The following GALNT17 variants were observed in gnomAD, a reference collection of about 807,000 sequenced individuals.
GALNT17 encodes polypeptide N-acetylgalactosaminyltransferase 17.
A neutral mutation model predicts 63.7 loss-of-function variants in GALNT17; 29 were observed. The observed-to-expected ratio is 0.46, with a 90% CI of 0.34 to 0.62. The LOEUF (loss-of-function observed/expected upper bound fraction) is 0.62. GALNT17 is among the 20% of genes least tolerant of loss of function. The pLI is 0.01. For synonymous variants in GALNT17, 305 were observed against 318.3 expected (o/e 0.96, Z 0.45); for missense variants, 603 against 799.6 (o/e 0.75, Z 2.97).
At chr7:71,193,631 A>T (rs1164723815) in intron 1 of GALNT17, among the ~76,000 whole-genome samples, 9 of 149,692 alleles carry the variant, frequency 6.0e-5, no homozygotes, top group Admixed American at 6.0e-4. Context: ...CACCCGGCCA[A>T]CTCCTTCCTG....
chr7:71,161,356 T>G (rs1788338398), intron 1 of GALNT17, among the ~76,000 whole-genome samples: 1 of 152,258 alleles, frequency 6.6e-6, no homozygotes, highest in African/African-American at 2.4e-5. Flanking sequence ...GCATTTGCAT[T>G]TTTGTAAAAT....
chr7:71,601,366 C>A (rs921467468), intron 6 of GALNT17, among the ~76,000 whole-genome samples: 3 of 152,192 alleles, frequency 2.0e-5, no homozygotes, highest in Admixed American at 2.0e-4. Flanking sequence ...ACACTGTATT[C>A]CACAGTGGCT....
chr7:71,345,922 C>T (rs1792083204), intron 2 of GALNT17, among the ~76,000 whole-genome samples: 1 of 151,514 alleles, frequency 6.6e-6, no homozygotes, highest in African/African-American at 2.4e-5. Flanking sequence ...GGGGCTCATG[C>T]CTGTAATCCC....
chr7:71,505,952 G>A (rs977727183), intron 5 of GALNT17, among the ~76,000 whole-genome samples: 6 of 152,124 alleles, frequency 3.9e-5, no homozygotes, highest in Non-Finnish European at 8.8e-5. Flanking sequence ...GAAGCCACAG[G>A]CCCCATTGTG....
At chr7:71,319,561 C>T (rs1423018054) in intron 1 of GALNT17, among the ~76,000 whole-genome samples, 1 of 152,072 alleles carries the variant, frequency 6.6e-6, no homozygotes, top group Non-Finnish European at 1.5e-5. Flanking sequence ...TTTCTATCTC[C>T]AATTCTGACT....
At chr7:71,639,593 T>C (rs550884568) in intron 6 of GALNT17, among the ~76,000 whole-genome samples, 4 of 152,226 alleles carry the variant, frequency 2.6e-5, no homozygotes, top group East Asian at 1.9e-4. Flanking sequence ...GCCATGGAGA[T>C]GAATAATTGT....
chr7:71,167,765 C>T (rs957308397), intron 1 of GALNT17, among the ~76,000 whole-genome samples: 21 of 152,312 alleles, frequency 1.4e-4, no homozygotes, highest in African/African-American at 4.8e-4. Context: ...TCTTGGCTCA[C>T]TGCAACCTCC....
intron 2 of GALNT17, among the ~76,000 whole-genome samples, chr7:71,344,044 A>G (rs1269693765): frequency 1.3e-5 from 2 of 152,114 alleles, no homozygotes; most frequent in African/African-American, 4.8e-5. Flanking sequence ...TCTTGGCCCC[A>G]GAGGACTTCA....
chr7:71,347,378 T>C (rs1249466013), intron 2 of GALNT17, among the ~76,000 whole-genome samples: 1 of 152,198 alleles, frequency 6.6e-6, no homozygotes, highest in Non-Finnish European at 1.5e-5. Context: ...ATCTACTTTA[T>C]AGAATTGCTG....
chr7:71,476,069 T>C (rs1430995476), intron 5 of GALNT17, among the ~76,000 whole-genome samples: 2 of 152,316 alleles, frequency 1.3e-5, no homozygotes, highest in African/African-American at 2.4e-5. Flanking sequence ...TTCTTTTCAC[T>C]TGATGGGTTG....
At chr7:71,160,424 G>C (rs908900594) in intron 1 of GALNT17, among the ~76,000 whole-genome samples, 1 of 152,078 alleles carries the variant, frequency 6.6e-6, no homozygotes, top group African/African-American at 2.4e-5. Context: ...TACATAGTAG[G>C]CTGCTTTCAA....
At chr7:71,388,140 T>G in intron 2 of GALNT17, 95 bp from the exon 3 acceptor site, 25 of 1,363,838 alleles carry the variant, frequency 1.8e-5, no homozygotes, top group African/African-American at 2.9e-5. Flanking sequence ...GACGACTGGA[T>G]GAGGATTCGG....
chr7:71,544,051 C>T (rs7793591), intron 5 of GALNT17, among the ~76,000 whole-genome samples: 5,195 of 152,014 alleles, frequency 0.034, 91 homozygotes, highest in Middle Eastern at 0.082. Context: ...CCTCAGCCCC[C>T]CAAAGGGCCA....
chr7:71,583,390 G>C (rs752359036), intron 6 of GALNT17, among the ~76,000 whole-genome samples: 7 of 152,128 alleles, frequency 4.6e-5, no homozygotes, highest in Admixed American at 1.3e-4. Flanking sequence ...CACCACATCT[G>C]GCCACCTGTT....
At chr7:71,611,667 A>G (rs1001573064) in intron 6 of GALNT17, among the ~76,000 whole-genome samples, 4 of 152,126 alleles carry the variant, frequency 2.6e-5, no homozygotes, top group African/African-American at 4.8e-5. Context: ...ACGCACTTGC[A>G]TGGTGGCATG....
At chr7:71,160,692 C>G (rs1471021771) in intron 1 of GALNT17, among the ~76,000 whole-genome samples, 1 of 152,176 alleles carries the variant, frequency 6.6e-6, no homozygotes, top group African/African-American at 2.4e-5. Context: ...CTCCCAACCT[C>G]AGGTGATCTG....
chr7:71,540,093 C>CTATTTTTT (rs1788864383), intron 5 of GALNT17, among the ~76,000 whole-genome samples: 1 of 33,524 alleles, frequency 3.0e-5, no homozygotes, highest in Admixed American at 5.8e-4. Context: ...TGTGCCTGGC[C>CTATTTTTT]TTTTTTTTTT....
intron 1 of GALNT17, among the ~76,000 whole-genome samples, chr7:71,135,661 T>C (rs1009116727): frequency 2.0e-5 from 3 of 152,234 alleles, no homozygotes; most frequent in African/African-American, 7.2e-5. Context: ...CCTGAGAATT[T>C]GCCTCTCTAA....
chr7:71,362,870 G>A (rs11976034), intron 2 of GALNT17, among the ~76,000 whole-genome samples: 3,808 of 152,240 alleles, frequency 0.025, 149 homozygotes, highest in African/African-American at 0.087. Flanking sequence ...TTGATGCTGT[G>A]TAAATCTCAG....
Sources: allele counts gnomAD v4.1 joint callset (sites outside exome capture counted in the v4.1 genomes callset), GRCh38; gene constraint gnomAD v4.1.1; transcripts MANE v1.5; gene names NCBI Gene and HGNC (gene_info 2026-07-23, HGNC 2026-07-21).